The following XKR4 variants were observed in gnomAD, a reference collection of about 807,000 sequenced individuals.
The protein encoded by XKR4 is XK related 4.
In XKR4, 12 loss-of-function variants were observed where a neutral mutation model predicts 53.9. The ratio of observed to expected loss-of-function variants is 0.22; its 90% CI spans 0.14 to 0.36. The LOEUF is 0.36. XKR4 is among the 10% of genes least tolerant of loss of function. The probability of loss-of-function intolerance (pLI) is 1.00; values close to 1 mark genes in which losing one functional copy is unlikely to be tolerated. For synonymous variants in XKR4, 354 were observed against 362.4 expected (o/e 0.98, Z 0.26); for missense variants, 799 against 859.5 (o/e 0.93, Z 0.88).
At chr8:55,316,656 T>C (rs1331818591) in intron 1 of XKR4, among the ~76,000 whole-genome samples, 5 of 152,130 alleles carry the variant, frequency 3.3e-5, no homozygotes, top group African/African-American at 1.2e-4. Context: ...TGCCCCTTCC[T>C]CTGGCCTGCC....
At chr8:55,494,860 C>T (rs2622577) in intron 2 of XKR4, among the ~76,000 whole-genome samples, 63,391 of 151,976 alleles carry the variant, frequency 0.42, 14,649 homozygotes, top group African/African-American at 0.62. Context: ...TACAAGTTCC[C>T]CCTCTGGTCT....
At chr8:55,284,751 A>G (rs768747331) in intron 1 of XKR4, among the ~76,000 whole-genome samples, 2 of 152,190 alleles carry the variant, frequency 1.3e-5, no homozygotes, top group Non-Finnish European at 2.9e-5. Flanking sequence ...GAAGCAAGTC[A>G]CGAGTCCCAC....
chr8:55,441,729 A>T (rs1349893638), intron 2 of XKR4, among the ~76,000 whole-genome samples: 1 of 152,228 alleles, frequency 6.6e-6, no homozygotes, highest in East Asian at 1.9e-4. Context: ...GTCAGTTAAA[A>T]GGCATAATTC....
At chr8:55,427,597 G>C (rs1208640216) in intron 2 of XKR4, among the ~76,000 whole-genome samples, 1 of 152,156 alleles carries the variant, frequency 6.6e-6, no homozygotes, top group African/African-American at 2.4e-5. Flanking sequence ...CTAAAATTAA[G>C]ACAACAGAAA....
At chr8:55,111,685 C>T (rs1420850728) in intron 1 of XKR4, among the ~76,000 whole-genome samples, 3 of 151,932 alleles carry the variant, frequency 2.0e-5, no homozygotes, top group Non-Finnish European at 4.4e-5. Context: ...AGATATATAC[C>T]ATATAGACTG....
chr8:55,200,087 C>CAGA lies in XKR4; in HGVS notation c.806+96793_806+96794insAGA, dbSNP rs1398042215. ...CTGTATCCTTTTTTCTTTTTTGAGACGGAGTCTGGTTCTGTCACCTAGGCT... is the reference window on the plus strand; with the variant it reads ...CTGTATCCTTTTTTCTTTTTTGAGACAGAGGAGTCTGGTTCTGTCACCTAGGCT... On this transcript the variant is annotated intron_variant, in intron 1 of 2. Coordinates refer to ENST00000327381, the MANE Select transcript of XKR4 (RefSeq NM_052898.2). Among the ~76,000 whole-genome samples the CAGA allele has an allele frequency of 8.5e-5, 13 of 152,186 alleles. No homozygotes were observed. In the East Asian group the frequency reaches 2.3e-3, roughly 27 times the overall value.
At chr8:55,341,094 C>A (rs1220994842) in intron 1 of XKR4, among the ~76,000 whole-genome samples, 8 of 152,028 alleles carry the variant, frequency 5.3e-5, no homozygotes, top group Non-Finnish European at 5.9e-5. Context: ...CTGCGGGGAA[C>A]CTGTGATACA....
At chr8:55,472,877 C>T (rs1563360329) in intron 2 of XKR4, among the ~76,000 whole-genome samples, 3 of 152,040 alleles carry the variant, frequency 2.0e-5, no homozygotes, top group Non-Finnish European at 4.4e-5. Flanking sequence ...GAAGCGTTGT[C>T]TTATGTTCTC....
intron 1 of XKR4, among the ~76,000 whole-genome samples, chr8:55,130,867 G>C (rs1323009543): frequency 6.6e-6 from 1 of 152,092 alleles, no homozygotes; most frequent in Non-Finnish European, 1.5e-5. Flanking sequence ...TCACCTTCTT[G>C]TTAGAAATGC....
chr8:55,358,744 T>C (rs1156998772), intron 2 of XKR4, among the ~76,000 whole-genome samples: 1 of 152,246 alleles, frequency 6.6e-6, no homozygotes, highest in African/African-American at 2.4e-5. Flanking sequence ...TAACGTATTG[T>C]AAGGTGCTCG....
Position 55,227,420 on chromosome 8 carries a change from A to G in XKR4, c.806+124126A>G, listed in dbSNP as rs76960034. Among the ~76,000 whole-genome samples, 12 of 152,314 alleles carry G rather than the reference A, an allele frequency of 7.9e-5. No individual in the cohort carries two copies. The East Asian group carries it at 1.9e-3, about 24-fold the overall frequency. ...CCAACACTTGCTCACTACCCTCCCA[A>G]TGACGTTGCTTGGTAAGAGTTGCCA... On this transcript the variant is annotated intron_variant, in intron 1 of 2. Coordinates refer to ENST00000327381, the MANE Select transcript of XKR4 (RefSeq NM_052898.2).
chr8:55,219,134 C>G (rs1407786153), intron 1 of XKR4, among the ~76,000 whole-genome samples: 2 of 152,004 alleles, frequency 1.3e-5, no homozygotes, highest in African/African-American at 4.8e-5. Flanking sequence ...TCCAAGCAAT[C>G]AGGTGCTCAG....
chr8:55,270,280 C>T (rs1171735895), intron 1 of XKR4, among the ~76,000 whole-genome samples: 1 of 152,202 alleles, frequency 6.6e-6, no homozygotes, highest in Non-Finnish European at 1.5e-5. Flanking sequence ...ACTGCTATGA[C>T]TCACTGTCTT....
chr8:55,290,668 A>G (rs972827641), intron 1 of XKR4, among the ~76,000 whole-genome samples: 1 of 151,872 alleles, frequency 6.6e-6, no homozygotes, highest in East Asian at 1.9e-4. Flanking sequence ...CTTATTTGTC[A>G]TCTGTATATC....
chr8:55,475,198 CA>C (rs1805959738), intron 2 of XKR4, among the ~76,000 whole-genome samples: 1 of 151,982 alleles, frequency 6.6e-6, no homozygotes, highest in South Asian at 2.1e-4. Flanking sequence ...TCAGTTCATA[CA>C]AAAGTAATGT....
intron 2 of XKR4, among the ~76,000 whole-genome samples, chr8:55,474,044 A>G (rs892286096): frequency 1.3e-5 from 2 of 152,048 alleles, no homozygotes; most frequent in African/African-American, 2.4e-5. Context: ...AGCTAGGACT[A>G]TAGGAGCACA....
intron 2 of XKR4, among the ~76,000 whole-genome samples, chr8:55,384,975 A>G (rs112290370): frequency 0.021 from 3,145 of 152,334 alleles, 37 homozygotes; most frequent in Middle Eastern, 0.037. Context: ...ACTAGTGACC[A>G]TTCTTTTGAA....
chr8:55,172,648 A>AC (rs1817178354), intron 1 of XKR4, among the ~76,000 whole-genome samples: 1 of 152,218 alleles, frequency 6.6e-6, no homozygotes, highest in African/African-American at 2.4e-5. Flanking sequence ...ACAGGTATTT[A>AC]AAAAACACAT....
intron 2 of XKR4, among the ~76,000 whole-genome samples, chr8:55,435,252 A>C (rs557964487): frequency 6.6e-6 from 1 of 152,274 alleles, no homozygotes; most frequent in Admixed American, 6.5e-5. Flanking sequence ...TACTAGGATT[A>C]GTTTGAATCG....
Sources: allele counts gnomAD v4.1 joint callset (sites outside exome capture counted in the v4.1 genomes callset), GRCh38; gene constraint gnomAD v4.1.1; transcripts MANE v1.5; gene names NCBI Gene and HGNC (gene_info 2026-07-23, HGNC 2026-07-21).